Variants in AKAP19 observed in about 807,000 individuals in gnomAD.
The protein encoded by AKAP19 is A-kinase anchoring protein 19, also known as small A-kinase anchoring protein.
chr2:189,944,787 A>T, the AKAP19 span, among the ~76,000 whole-genome samples: 3 of 152,202 alleles, frequency 2.0e-5, no homozygotes, highest in African/African-American at 7.2e-5. Context: ...ATGCTGCAGA[A>T]TACTCATTGT....
At chr2:190,088,043 C>T in the AKAP19 span, among the ~76,000 whole-genome samples, 1 of 152,154 alleles carries the variant, frequency 6.6e-6, no homozygotes, top group South Asian at 2.1e-4. Context: ...TTACAGAGAT[C>T]ATCCCTGAAA....
At chr2:189,973,718 G>A in the AKAP19 span, among the ~76,000 whole-genome samples, 1 of 152,148 alleles carries the variant, frequency 6.6e-6, no homozygotes, top group Non-Finnish European at 1.5e-5. Flanking sequence ...TTGGGAGGTT[G>A]TATGTGTCCA....
the AKAP19 span, among the ~76,000 whole-genome samples, chr2:190,175,727 C>A: frequency 6.6e-6 from 1 of 152,134 alleles, no homozygotes; most frequent in Non-Finnish European, 1.5e-5. Flanking sequence ...ACTACAATGG[C>A]CTACAGTACC....
the AKAP19 span, among the ~76,000 whole-genome samples, chr2:189,881,110 AAAAAC>A: frequency 2.0e-5 from 3 of 152,214 alleles, no homozygotes; most frequent in African/African-American, 4.8e-5. Context: ...AGTACTGAAA[AAAAAC>A]AAATTTTACT....
chr2:190,119,839 G>T, the AKAP19 span, among the ~76,000 whole-genome samples: 1,374 of 152,240 alleles, frequency 9.0e-3, 7 homozygotes, highest in Middle Eastern at 0.031. Flanking sequence ...GCAAAGAAAT[G>T]AAAAGTGGTA....
the AKAP19 span, among the ~76,000 whole-genome samples, chr2:189,880,914 C>G: frequency 1.3e-5 from 2 of 152,156 alleles, no homozygotes; most frequent in East Asian, 3.9e-4. Context: ...TTCGGGCAAG[C>G]CAATGTTCAT....
the AKAP19 span, among the ~76,000 whole-genome samples, chr2:190,101,203 GAGAT>G: frequency 6.6e-6 from 1 of 152,242 alleles, no homozygotes; most frequent in Non-Finnish European, 1.5e-5. Flanking sequence ...GCTCTGGAGT[GAGAT>G]AGGGGCCTCC....
the AKAP19 span, among the ~76,000 whole-genome samples, chr2:189,896,369 A>ATATT: frequency 6.6e-6 from 1 of 152,146 alleles, no homozygotes; most frequent in Non-Finnish European, 1.5e-5. Context: ...AAATATTCTT[A>ATATT]TATTTGCCTA....
At chr2:190,173,114 C>CA in the AKAP19 span, among the ~76,000 whole-genome samples, 33 of 144,048 alleles carry the variant, frequency 2.3e-4, no homozygotes, top group African/African-American at 7.5e-4. Flanking sequence ...GACTCCATCT[C>CA]AAAAAAAATA....
the AKAP19 span, among the ~76,000 whole-genome samples, chr2:189,904,024 T>C: frequency 1.3e-5 from 2 of 152,034 alleles, no homozygotes; most frequent in Non-Finnish European, 2.9e-5. Context: ...TGTGGAAAAA[T>C]TTGAATTTGC....
chr2:190,028,522 G>T, the AKAP19 span, among the ~76,000 whole-genome samples: 3 of 152,050 alleles, frequency 2.0e-5, no homozygotes, highest in Non-Finnish European at 4.4e-5. Flanking sequence ...CAGACAAAAT[G>T]ATAACTACCT....
chr2:190,116,133 C>T, the AKAP19 span, among the ~76,000 whole-genome samples: 2 of 152,052 alleles, frequency 1.3e-5, no homozygotes, highest in African/African-American at 2.4e-5. Flanking sequence ...ATTGTGATAT[C>T]ACAGGAAAAA....
At chr2:190,029,245 T>C in the AKAP19 span, among the ~76,000 whole-genome samples, 1 of 151,868 alleles carries the variant, frequency 6.6e-6, no homozygotes, top group Non-Finnish European at 1.5e-5. Flanking sequence ...AGAGATGGGG[T>C]TTCACCATGT....
chr2:190,075,409 G>C, the AKAP19 span, among the ~76,000 whole-genome samples: 1 of 152,090 alleles, frequency 6.6e-6, no homozygotes, highest in African/African-American at 2.4e-5. Flanking sequence ...GTTTGTTTAA[G>C]TTCTATATAG....
chr2:190,200,019 G>A, the AKAP19 span: 2 of 1,614,040 alleles, frequency 1.2e-6, no homozygotes, highest in Non-Finnish European at 1.7e-6. Context: ...AACCTCCAGG[G>A]ACCAATACTG....
chr2:189,916,585 G>C, the AKAP19 span, among the ~76,000 whole-genome samples: 1 of 152,088 alleles, frequency 6.6e-6, no homozygotes, highest in African/African-American at 2.4e-5. Context: ...GCCTCCCAAA[G>C]TGCTGGGATT....
At chr2:190,106,260 T>C in the AKAP19 span, among the ~76,000 whole-genome samples, 9 of 152,352 alleles carry the variant, frequency 5.9e-5, no homozygotes, top group Admixed American at 1.3e-4. Context: ...CTAAATTACA[T>C]TGAGACTCAA....
the AKAP19 span, among the ~76,000 whole-genome samples, chr2:190,102,502 C>T: frequency 6.6e-6 from 1 of 152,088 alleles, no homozygotes; most frequent in East Asian, 1.9e-4. Context: ...ACAAAGGCGA[C>T]ATTACAATTG....
the AKAP19 span, among the ~76,000 whole-genome samples, chr2:190,012,473 A>T: frequency 6.6e-6 from 1 of 152,158 alleles, no homozygotes; most frequent in African/African-American, 2.4e-5. Flanking sequence ...TTGATTTTAT[A>T]TCCTACAACT....
Sources: allele counts gnomAD v4.1 joint callset (sites outside exome capture counted in the v4.1 genomes callset), GRCh38; gene constraint gnomAD v4.1.1; transcripts MANE v1.5; gene names NCBI Gene and HGNC (gene_info 2026-07-23, HGNC 2026-07-21).